The following NRXN3 variants were observed in gnomAD, a reference collection of about 807,000 sequenced individuals.
NRXN3 encodes neurexin III.
A neutral mutation model predicts 137.6 loss-of-function variants in NRXN3; 32 were observed. That is an observed-to-expected ratio of 0.23 (90% CI 0.18 to 0.31). The LOEUF (loss-of-function observed/expected upper bound fraction) is 0.31. NRXN3 is among the 10% of genes least tolerant of loss of function. NRXN3 has a pLI of 1.00. For synonymous variants in NRXN3, 798 were observed against 784.5 expected, an observed-to-expected ratio of 1.02 and a Z score of -0.29; for missense variants, 1,574 against 2,062.5, an observed-to-expected ratio of 0.76 and a Z score of 4.59.
At chr14:79,479,388 C>A (rs55672770) in intron 16 of NRXN3, among the ~76,000 whole-genome samples, 3 of 151,480 alleles carry the variant, frequency 2.0e-5, no homozygotes, top group Non-Finnish European at 4.4e-5. Context: ...AAAAATTAAG[C>A]CTAAGAGGAT....
chr14:79,724,313 ACT>A (rs1207927134), intron 19 of NRXN3, among the ~76,000 whole-genome samples: 2 of 151,988 alleles, frequency 1.3e-5, no homozygotes, highest in African/African-American at 2.4e-5. Context: ...TGGTATCCTA[ACT>A]CTCTATTCCA....
chr14:79,839,969 A>G (rs962919536), intron 20 of NRXN3, among the ~76,000 whole-genome samples: 1 of 145,216 alleles, frequency 6.9e-6, no homozygotes, highest in African/African-American at 2.5e-5. Context: ...TTCTGGAAGC[A>G]TGTATGTATG....
At position 79,684,207 on chromosome 14, in the gene NRXN3, T is replaced by C. The variant is rs186732889; in HGVS notation, c.3617-7966T>C. On this transcript the variant is annotated intron_variant, in intron 17 of 20. Coordinates refer to ENST00000335750, the MANE Select transcript of NRXN3 (RefSeq NM_001330195.2). ...TGTTATGAAACAAAAAGAATACATT[T>C]AATGAGATATAAATACCTGTTGGAC... Among the ~76,000 whole-genome samples, 9 of 152,184 alleles carry C rather than the reference T, an allele frequency of 5.9e-5. No homozygotes were observed. In the East Asian group the frequency reaches 1.5e-3, roughly 26 times the overall value.
At chr14:79,437,188 T>C (rs970411786) in intron 15 of NRXN3, among the ~76,000 whole-genome samples, 4 of 152,136 alleles carry the variant, frequency 2.6e-5, no homozygotes, top group African/African-American at 9.7e-5. Flanking sequence ...AATTCTGAGC[T>C]GCTTATACGT....
intron 16 of NRXN3, among the ~76,000 whole-genome samples, chr14:79,524,403 A>C (rs1226317304): frequency 1.3e-5 from 2 of 152,174 alleles, no homozygotes; most frequent in Admixed American, 6.5e-5. Flanking sequence ...TCTAAGTAAA[A>C]AAACAAATCC....
chr14:78,204,745 A>G (rs911941590), intron 1 of NRXN3, among the ~76,000 whole-genome samples: 3 of 152,214 alleles, frequency 2.0e-5, no homozygotes, highest in East Asian at 1.9e-4. Context: ...AAAAATTTCT[A>G]GCAGGCACAT....
intron 1 of NRXN3, among the ~76,000 whole-genome samples, chr14:78,204,254 C>T (rs2061974187): frequency 7.0e-6 from 1 of 143,184 alleles, no homozygotes; most frequent in Admixed American, 7.2e-5. Context: ...AAAAAAGTGA[C>T]ATTTTTTTTT....
chr14:78,573,030 AGT>A (rs1351515904), intron 4 of NRXN3, among the ~76,000 whole-genome samples: 1 of 152,192 alleles, frequency 6.6e-6, no homozygotes, highest in African/African-American at 2.4e-5. Context: ...CGTGATAGTG[AGT>A]GAGTTCTCAC....
chr14:78,834,243 AT>A (rs1274768386), intron 10 of NRXN3, among the ~76,000 whole-genome samples: 5 of 152,128 alleles, frequency 3.3e-5, no homozygotes. Flanking sequence ...TGATTCCGTT[AT>A]GTATTGCAAA....
At chr14:79,170,471 G>T (rs976991680) in intron 15 of NRXN3, among the ~76,000 whole-genome samples, 1 of 152,218 alleles carries the variant, frequency 6.6e-6, no homozygotes, top group Non-Finnish European at 1.5e-5. Context: ...AAAATAAAGA[G>T]ATATCTGGAA....
chr14:79,476,081 T>TG (rs938461655), intron 16 of NRXN3, among the ~76,000 whole-genome samples: 2 of 152,098 alleles, frequency 1.3e-5, no homozygotes, highest in Non-Finnish European at 2.9e-5. Flanking sequence ...TCATTACTCC[T>TG]GGGGTATTGT....
chr14:78,845,905 G>GGTGTGT (rs3034390), intron 10 of NRXN3, among the ~76,000 whole-genome samples: 7,136 of 146,292 alleles, frequency 0.049, 229 homozygotes, highest in East Asian at 0.13. Context: ...AGTATGTTGG[G>GGTGTGT]GTGTGTGTGT....
intron 19 of NRXN3, among the ~76,000 whole-genome samples, chr14:79,791,606 A>G (rs866475692): frequency 1.3e-5 from 2 of 151,218 alleles, no homozygotes; most frequent in African/African-American, 4.8e-5. Context: ...AATATTTGAC[A>G]ATATCTGAGT....
At chr14:78,467,509 A>C (rs2095143221) in intron 4 of NRXN3, among the ~76,000 whole-genome samples, 1 of 152,240 alleles carries the variant, frequency 6.6e-6, no homozygotes, top group Non-Finnish European at 1.5e-5. Context: ...CCAGGTTATT[A>C]AAGTTTGGCC....
In NRXN3 at chr14:78,611,420, C is replaced by T. The variant is rs555781498; in HGVS notation, c.758-33700C>T. 2.7e-5 allele frequency among the ~76,000 whole-genome samples: 4 copies of T among 150,516 alleles called. No homozygotes were observed. The Admixed American group carries it at 2.7e-4, about 10-fold the overall frequency. ...CTTCTCTTTTTTGTACTTCCTTTCC[C>T]TCCTCTTTTTTTTTTTTCCTTCTCT... On this transcript the variant is annotated intron_variant, in intron 4 of 20. Transcript: ENST00000335750.
At chr14:78,934,659 A>G (rs183830171) in intron 10 of NRXN3, among the ~76,000 whole-genome samples, 1 of 152,166 alleles carries the variant, frequency 6.6e-6, no homozygotes, top group Non-Finnish European at 1.5e-5. Flanking sequence ...TGTCCTTTGT[A>G]GGGACATGGA....
intron 10 of NRXN3, among the ~76,000 whole-genome samples, chr14:78,825,955 T>C (rs1393087819): frequency 6.6e-6 from 1 of 152,204 alleles, no homozygotes; most frequent in Non-Finnish European, 1.5e-5. Flanking sequence ...CTGTCCCTGA[T>C]AAAGTTGAGT....
chr14:78,453,884 G>A (rs2094611336), intron 4 of NRXN3, among the ~76,000 whole-genome samples: 1 of 152,206 alleles, frequency 6.6e-6, no homozygotes, highest in African/African-American at 2.4e-5. Context: ...GCATGAAACA[G>A]ACTCTCCCTT....
chr14:79,188,398 T>A (rs994933713), intron 15 of NRXN3, among the ~76,000 whole-genome samples: 15 of 136,828 alleles, frequency 1.1e-4, no homozygotes, highest in Admixed American at 6.5e-4. Flanking sequence ...CAATACATAT[T>A]TTTTTTTTTA....
Sources: allele counts gnomAD v4.1 joint callset (sites outside exome capture counted in the v4.1 genomes callset), GRCh38; gene constraint gnomAD v4.1.1; transcripts MANE v1.5; gene names NCBI Gene and HGNC (gene_info 2026-07-23, HGNC 2026-07-21).